F11: variants seen among roughly 807,000 people sequenced by gnomAD.
F11 encodes the protein coagualtion factor XI.
A neutral mutation model predicts 76.5 loss-of-function variants in F11; 78 were observed. The ratio of observed to expected loss-of-function variants is 1.02; its 90% CI spans 0.85 to 1.23. The LOEUF is 1.23. Among genes scored for constraint, F11 ranks in the 50% most tolerant of loss-of-function variants. The pLI, the probability that F11 is intolerant of heterozygous loss-of-function variation, is 0.00. For synonymous variants in F11, 278 were observed against 276.3 expected (o/e 1.01, Z -0.06); for missense variants, 742 against 771.4 (o/e 0.96, Z 0.45).
At chr4:186,286,086 A>G in intron 12 of F11, 1 of 546,526 alleles carries the variant, frequency 1.8e-6, no homozygotes, top group Non-Finnish European at 3.2e-6. Context: ...TTGGAATAGT[A>G]AAGATAATTT....
chr4:186,282,159 G>A (rs1740856176), intron 10 of F11: 2 of 1,131,430 alleles, frequency 1.8e-6, no homozygotes, highest in South Asian at 2.0e-5. Context: ...TAATAAAATG[G>A]GAATGAGCAC....
Position 186,287,806 on chromosome 4 carries a change from G to A in F11, c.1699G>A (p.Gly567Arg), listed in dbSNP as rs1580108251. The change falls in exon 14 of 15, where the codon GGG becomes AGG. Residue 567 changes from glycine to arginine, a missense_variant. By Grantham distance (125) the Gly-to-Arg change is moderately radical. Coordinates refer to ENST00000403665, the MANE Select transcript of F11 (RefSeq NM_000128.4). The stretch of plus-strand genomic sequence containing the variant: ...GATCTGTGCCGGCTACAGGGAAGGA[G>A]GGAAGGACGCTTGCAAGGTAACAGA... ...KMICAGYREG[G>R]KDACKGDSGG... 1.9e-6 allele frequency: 3 copies of A among 1,613,098 alleles called. No individual in the cohort carries two copies. Among genetic ancestry groups the A allele is most frequent in the Non-Finnish European group, 2.5e-6 (3 of 1,179,388 alleles).
At chr4:186,281,328 C>T (rs1201549485) in intron 10 of F11, among the ~76,000 whole-genome samples, 3 of 152,138 alleles carry the variant, frequency 2.0e-5, no homozygotes, top group Non-Finnish European at 4.4e-5. Flanking sequence ...TGGAGCACCT[C>T]CTTTTTAGGG....
chr4:186,285,577 C>T, intron 11 of F11, 61 bp from the exon 12 acceptor site: 2 of 1,524,372 alleles, frequency 1.3e-6, no homozygotes, highest in Non-Finnish European at 1.8e-6. Context: ...ACACACTTCA[C>T]AATGTCTGGG....
chr4:186,285,923 A>T (rs1408893700), intron 12 of F11, 110 bp downstream of exon 12: 1 of 1,203,676 alleles, frequency 8.3e-7, no homozygotes, highest in East Asian at 2.4e-5. Flanking sequence ...CGTTATCATC[A>T]TGAAAGGGAG....
chr4:186,285,043 G>C (rs1249711348), intron 11 of F11, among the ~76,000 whole-genome samples: 1 of 152,104 alleles, frequency 6.6e-6, no homozygotes, highest in African/African-American at 2.4e-5. Context: ...AAACAAAAAG[G>C]CTCCAGCTGG....
At chr4:186,276,545 C>A (rs1314186628) in intron 7 of F11, among the ~76,000 whole-genome samples, 155 bp downstream of exon 7, 1 of 151,740 alleles carries the variant, frequency 6.6e-6, no homozygotes, top group Non-Finnish European at 1.5e-5. Flanking sequence ...TTTCTATTCC[C>A]CACCTACTTA....
In F11 at chr4:186,280,100, AG is replaced by A; in HGVS notation, c.845del (p.Ser282ThrfsTer67). On this transcript the variant is annotated frameshift_variant, in exon 8 of 15. Coordinates refer to ENST00000403665, the MANE Select transcript of F11 (RefSeq NM_000128.4). LOFTEE classifies it high-confidence loss of function. ...AGCTCTTTCTGGTTTCAGTCTACAAAGCTGCAGGCACAGCATCCCAGGTAAA... is the reference window on the plus strand; with the variant it reads ...AGCTCTTTCTGGTTTCAGTCTACAAACTGCAGGCACAGCATCCCAGGTAAA... ...SKALSGFSLQ[S>X]CRHSIPVFCH... is the part of the protein sequence containing the mutation. 6.2e-7 allele frequency: 1 copy of A among 1,614,202 alleles called. No individual in the cohort carries two copies. The highest frequency in any genetic ancestry group is 1.1e-5 in the South Asian group (1 of 91,090).
chr4:186,267,260 G>C (rs1739579296), intron 2 of F11, 69 bp downstream of exon 2: 2 of 954,696 alleles, frequency 2.1e-6, no homozygotes, highest in East Asian at 4.8e-5. Context: ...ACACATGTGG[G>C]AGAATCCCAC....
At chr4:186,282,851 C>A in intron 10 of F11, 3 of 985,278 alleles carry the variant, frequency 3.0e-6, no homozygotes, top group South Asian at 4.7e-5. Flanking sequence ...CTTCTCTCAT[C>A]CTCTCCTCCT....
intron 6 of F11, 67 bp downstream of exon 6, chr4:186,275,963 C>A: frequency 7.9e-7 from 1 of 1,270,340 alleles, no homozygotes. Context: ...GTAGATCTCA[C>A]TCAGGATACC....
chr4:186,285,754 T>G lies in F11; in HGVS notation c.1421T>G (p.Met474Arg). The change falls in exon 12 of 15, where the codon ATG becomes AGG. Residue 474 changes from methionine to arginine, a missense_variant. Coordinates refer to ENST00000403665, the MANE Select transcript of F11 (RefSeq NM_000128.4). ...QEIIIHDQYKMAESGYDIALL... is the reference protein window; with the variant it reads ...QEIIIHDQYKRAESGYDIALL... The stretch of plus-strand genomic sequence containing the variant: ...ATAATAATCCATGATCAGTATAAAA[T>G]GGCAGAAAGCGGGTATGATATTGCC... 6.2e-7 allele frequency: 1 copy of G among 1,614,208 alleles called. No individual in the cohort carries two copies.
At position 186,284,134 on chromosome 4, in the gene F11, C is replaced by G. The variant is rs547842083; in HGVS notation, c.1178C>G (p.Ala393Gly). ...AAGCCCAGGATCGTTGGAGGAACTG[C>G]GTCTGTTCGTGGTGAGTGGCCGTGG... Reference protein sequence around the residue: ...KIKPRIVGGTASVRGEWPWQV... With the variant: ...KIKPRIVGGTGSVRGEWPWQV... Residue 393 changes from alanine (A) to glycine (G), a missense_variant, in exon 11 of 15, where the codon GCG becomes GGG. By Grantham distance (60) the Ala-to-Gly change is moderately conservative. Coordinates refer to ENST00000403665, the MANE Select transcript of F11 (RefSeq NM_000128.4). 6.2e-7 allele frequency: 1 copy of G among 1,614,198 alleles called. No individual in the cohort carries two copies. Among genetic ancestry groups the G allele is most frequent in the Admixed American group, 1.7e-5 (1 of 60,026 alleles).
intron 2 of F11, among the ~76,000 whole-genome samples, chr4:186,270,352 T>G (rs983121016): frequency 6.6e-6 from 1 of 152,230 alleles, no homozygotes; most frequent in Admixed American, 6.5e-5. Context: ...AAATTGTATC[T>G]GTACTCAACG....
At chr4:186,288,304 G>A in intron 14 of F11, 149 bp from the exon 15 acceptor site, 1 of 872,110 alleles carries the variant, frequency 1.1e-6, no homozygotes, top group Non-Finnish European at 1.9e-6. Flanking sequence ...CAAGGAGATT[G>A]ACTGGATGAA....
At position 186,287,742 on chromosome 4, in the gene F11, C is replaced by T; in HGVS notation, c.1635C>T (p.Cys545=). 6.2e-7 allele frequency: 1 copy of T among 1,613,258 alleles called. No individual in the cohort carries two copies. The highest frequency in any genetic ancestry group is 8.5e-7 in the Non-Finnish European group (1 of 1,179,636). ...AKIPLVTNEE[C]QKRYRGHKIT... ...TACCCTTAGTGACCAACGAAGAGTG[C>T]CAGAAGAGATACAGAGGACATAAAA... The change falls in exon 14 of 15, where the codon TGC becomes TGT. Residue 545 remains cysteine, a synonymous_variant. Coordinates refer to ENST00000403665, the MANE Select transcript of F11 (RefSeq NM_000128.4).
chr4:186,288,443 C>T lies in F11; in HGVS notation c.1717-10C>T. 5 of 1,614,024 alleles carry T rather than the reference C, an allele frequency of 3.1e-6. No individual in the cohort carries two copies. Among genetic ancestry groups the T allele is most frequent in the Non-Finnish European group, 4.2e-6 (5 of 1,179,930 alleles). On this transcript the variant is annotated splice_polypyrimidine_tract_variant and intron_variant, in intron 14 of 14. Coordinates refer to ENST00000403665, the MANE Select transcript of F11 (RefSeq NM_000128.4). ...ATCTGTGCACCTTTTCTTGTCTCCC[C>T]TCGTTCTAGGGAGATTCGGGAGGCC...
Position 186,289,170 on chromosome 4 carries a change from A to C in F11, c.*556A>C, listed in dbSNP as rs914113186. 6.6e-6 allele frequency among the ~76,000 whole-genome samples: 1 copy of C among 152,228 alleles called. No homozygotes were observed. Among genetic ancestry groups the C allele is most frequent in the Non-Finnish European group, 1.5e-5 (1 of 68,038 alleles). ...TCCATTTTAAAATATATATTAAAAA[A>C]AATCAGTTCGAGTAGACACGAGCTA... On this transcript the variant is annotated 3_prime_UTR_variant, in exon 15 of 15. Coordinates refer to ENST00000403665, the MANE Select transcript of F11 (RefSeq NM_000128.4).
chr4:186,268,280 A>G (rs2126705374), intron 2 of F11, among the ~76,000 whole-genome samples: 1 of 152,342 alleles, frequency 6.6e-6, no homozygotes, highest in South Asian at 2.1e-4. Flanking sequence ...TTTAAAGTAC[A>G]CAGGAGGCTG....
Sources: allele counts gnomAD v4.1 joint callset (sites outside exome capture counted in the v4.1 genomes callset), GRCh38; gene constraint gnomAD v4.1.1; transcripts MANE v1.5; gene names NCBI Gene and HGNC (gene_info 2026-07-23, HGNC 2026-07-21).